The following ADGRL2 variants were observed in gnomAD, a reference collection of about 807,000 sequenced individuals.
ADGRL2 encodes adhesion G protein-coupled receptor L2, also known as calcium-independent alpha-latrotoxin receptor 2.
A neutral mutation model predicts 157.4 loss-of-function variants in ADGRL2; 44 were observed. The observed-to-expected ratio is 0.28, with a 90% CI of 0.22 to 0.36. The LOEUF (loss-of-function observed/expected upper bound fraction) is 0.36, where lower values mean the gene tolerates loss of function less well. Ranked by LOEUF, ADGRL2 falls within the 10% of genes least tolerant of loss-of-function variation. The probability of loss-of-function intolerance (pLI) is 1.00; values close to 1 mark genes in which losing one functional copy is unlikely to be tolerated. For synonymous variants in ADGRL2, 585 were observed against 624.7 expected (o/e 0.94, Z 0.95); for missense variants, 1,510 against 1,768.9 (o/e 0.85, Z 2.63).
intron 2 of ADGRL2, among the ~76,000 whole-genome samples, chr1:81,539,815 T>TAA (rs11297905): frequency 0.016 from 2,366 of 143,734 alleles, 67 homozygotes; most frequent in African/African-American, 0.056. Context: ...GGGAAAAGAT[T>TAA]AAAAAAAAAA....
At chr1:81,699,012 TAGA>T (rs1036187825), upstream of ADGRL2, among the ~76,000 whole-genome samples, 2 of 152,202 alleles carry the variant, frequency 1.3e-5, no homozygotes, top group African/African-American at 2.4e-5. Flanking sequence ...CTTTTCTCTT[TAGA>T]AGAAGTAAAA....
At chr1:81,838,907 A>T (rs35720029) in intron 2 of ADGRL2, among the ~76,000 whole-genome samples, 7,204 of 151,960 alleles carry the variant, frequency 0.047, 504 homozygotes, top group African/African-American at 0.15. Context: ...TACGGGTAAA[A>T]AGAACCTGGG....
In ADGRL2 at chr1:81,466,676, C is replaced by T. The variant is rs200858613; in HGVS notation, c.-248+21587C>T. Among the ~76,000 whole-genome samples the T allele has an allele frequency of 5.9e-4, 53 of 90,504 alleles. 2 individuals carry two copies. The highest frequency in any genetic ancestry group is 1.6e-3 in the East Asian group (8 of 5,090). The allele number at this position is 90,504 out of a possible 152,430, so 59.4% of individuals were successfully genotyped here. On this transcript the variant is annotated intron_variant, in intron 2 of 24. Coordinates refer to the ADGRL2 transcript ENST00000370721. ...ATATAACATCTCTCTCTCTCACGCGCGCGCACACACACACACATACACACT... is the reference window on the plus strand; with the variant it reads ...ATATAACATCTCTCTCTCTCACGCGTGCGCACACACACACACATACACACT...
chr1:81,525,122 T>C (rs889316407), intron 2 of ADGRL2, among the ~76,000 whole-genome samples: 3 of 152,080 alleles, frequency 2.0e-5, no homozygotes, highest in Non-Finnish European at 4.4e-5. Context: ...ATAACAAATT[T>C]TAAACACCTT....
At chr1:81,404,209 A>T (rs780704419) in intron 1 of ADGRL2, among the ~76,000 whole-genome samples, 7 of 152,216 alleles carry the variant, frequency 4.6e-5, no homozygotes, top group Non-Finnish European at 1.0e-4. Context: ...ACAGCATACC[A>T]ACCCCCTTGC....
upstream of ADGRL2, among the ~76,000 whole-genome samples, chr1:81,799,766 C>T (rs2087791094): frequency 6.6e-6 from 1 of 152,066 alleles, no homozygotes; most frequent in Non-Finnish European, 1.5e-5. Context: ...ATTGGAGAAT[C>T]ATTTTTTTCT....
intron 2 of ADGRL2, among the ~76,000 whole-genome samples, chr1:81,897,427 A>T (rs1236509965): frequency 6.6e-6 from 1 of 152,132 alleles, no homozygotes; most frequent in African/African-American, 2.4e-5. Flanking sequence ...AATTTTTTTA[A>T]GTTAAGTATT....
At chr1:81,681,198 G>A (rs931267961) in intron 3 of ADGRL2, among the ~76,000 whole-genome samples, 2 of 152,194 alleles carry the variant, frequency 1.3e-5, no homozygotes, top group Non-Finnish European at 2.9e-5. Context: ...GATGTAATTT[G>A]GTTCCTATTT....
At chr1:81,758,865 C>A (rs2085777424) in intron 1 of ADGRL2, among the ~76,000 whole-genome samples, 1 of 152,146 alleles carries the variant, frequency 6.6e-6, no homozygotes, top group Non-Finnish European at 1.5e-5. Flanking sequence ...CATTTACTGT[C>A]TCCATTACAT....
intron 3 of ADGRL2, among the ~76,000 whole-genome samples, chr1:81,606,289 A>G (rs1000596145): frequency 1.3e-5 from 2 of 152,108 alleles, no homozygotes; most frequent in African/African-American, 4.8e-5. Context: ...AACAAACTAC[A>G]CCCAAAATTC....
At chr1:81,434,916 A>C (rs1391396364) in intron 1 of ADGRL2, among the ~76,000 whole-genome samples, 1 of 152,228 alleles carries the variant, frequency 6.6e-6, no homozygotes, top group Non-Finnish European at 1.5e-5. Context: ...GAAATCAGGC[A>C]ACAAGGCACA....
intron 1 of ADGRL2, among the ~76,000 whole-genome samples, chr1:81,355,927 T>G (rs572685130): frequency 1.9e-3 from 269 of 140,104 alleles, no homozygotes; most frequent in Non-Finnish European, 3.2e-3. Context: ...TTGTGCCAAA[T>G]TAAGAAAAAA....
At chr1:81,651,297 T>G (rs1180921979) in intron 3 of ADGRL2, among the ~76,000 whole-genome samples, 1 of 152,210 alleles carries the variant, frequency 6.6e-6, no homozygotes, top group Non-Finnish European at 1.5e-5. Flanking sequence ...ATGATTCCTA[T>G]CATCTCTAAT....
intron 1 of ADGRL2, among the ~76,000 whole-genome samples, chr1:81,369,667 A>G (rs941298014): frequency 2.0e-5 from 3 of 152,188 alleles, no homozygotes; most frequent in African/African-American, 7.2e-5. Context: ...TGCAAAAGAA[A>G]GCTAGACTAA....
At chr1:81,818,721 GCA>G (rs1242702061) in intron 1 of ADGRL2, among the ~76,000 whole-genome samples, 1 of 152,104 alleles carries the variant, frequency 6.6e-6, no homozygotes, top group Non-Finnish European at 1.5e-5. Flanking sequence ...TGAAATATTT[GCA>G]CAAATAATTC....
chr1:81,776,428 C>G (rs2086588751), intron 2 of ADGRL2, among the ~76,000 whole-genome samples: 1 of 152,170 alleles, frequency 6.6e-6, no homozygotes. Flanking sequence ...ACCTCGTGAT[C>G]TGCCCGCCTC....
chr1:81,938,883 T>C, intron 4 of ADGRL2, among the ~76,000 whole-genome samples: 1 of 151,616 alleles, frequency 6.6e-6, no homozygotes, highest in Non-Finnish European at 1.5e-5. Flanking sequence ...TCATTCCTTA[T>C]ACTTTCTTTT....
At chr1:81,471,475 A>C (rs1245828515) in intron 2 of ADGRL2, among the ~76,000 whole-genome samples, 1 of 152,186 alleles carries the variant, frequency 6.6e-6, no homozygotes, top group African/African-American at 2.4e-5. Flanking sequence ...TGGAAGGTTT[A>C]ATAAGGACTC....
chr1:81,881,492 T>C (rs2093986667), intron 2 of ADGRL2, among the ~76,000 whole-genome samples: 1 of 152,176 alleles, frequency 6.6e-6, no homozygotes, highest in Non-Finnish European at 1.5e-5. Flanking sequence ...CAAATATTAG[T>C]CCCATGTTCA....
Sources: allele counts gnomAD v4.1 joint callset (sites outside exome capture counted in the v4.1 genomes callset), GRCh38; gene constraint gnomAD v4.1.1; transcripts MANE v1.5; gene names NCBI Gene and HGNC (gene_info 2026-07-23, HGNC 2026-07-21).